The following PHTF2 variants were observed in gnomAD, a reference collection of about 807,000 sequenced individuals.
PHTF2 encodes the protein protein PHTF2.
A neutral mutation model predicts 101.2 loss-of-function variants in PHTF2; 60 were observed. That is an observed-to-expected ratio of 0.59 (90% CI 0.48 to 0.73). The LOEUF (loss-of-function observed/expected upper bound fraction) is 0.73. Among genes scored for constraint, PHTF2 ranks in the 30% least tolerant of loss-of-function variants. PHTF2 has a pLI of 0.00. For missense variants in PHTF2, 747 were observed against 908.7 expected (o/e 0.82, Z 2.29); for synonymous variants, 311 against 307.3 (o/e 1.01, Z -0.13).
At chr7:77,921,099 C>A (rs928811344) in intron 10 of PHTF2, among the ~76,000 whole-genome samples, 3 of 152,210 alleles carry the variant, frequency 2.0e-5, no homozygotes, top group Admixed American at 1.3e-4. Flanking sequence ...GCGAATAATT[C>A]AGGAAGCTGA....
chr7:77,803,325 A>G (rs1430225997), intron 1 of PHTF2, among the ~76,000 whole-genome samples: 2 of 152,202 alleles, frequency 1.3e-5, no homozygotes, highest in Non-Finnish European at 2.9e-5. Flanking sequence ...AAGTATATCT[A>G]CAGAAATTTT....
chr7:77,815,769 C>G (rs187419818), intron 1 of PHTF2, among the ~76,000 whole-genome samples: 1 of 152,300 alleles, frequency 6.6e-6, no homozygotes, highest in African/African-American at 2.4e-5. Context: ...ACTTTATTCC[C>G]GTTTCCAGGG....
chr7:77,949,491 G>GT (rs1296797215), intron 16 of PHTF2, among the ~76,000 whole-genome samples, 187 bp from the exon 16 acceptor site: 12 of 152,164 alleles, frequency 7.9e-5, no homozygotes, highest in Admixed American at 2.6e-4. Context: ...ACAAAACTGG[G>GT]TAGAGGCCCC....
chr7:77,816,951 CTT>C (rs1793897660), intron 1 of PHTF2, among the ~76,000 whole-genome samples: 1 of 152,170 alleles, frequency 6.6e-6, no homozygotes, highest in African/African-American at 2.4e-5. Flanking sequence ...ACCCCATTTT[CTT>C]TATCCATTCA....
At chr7:77,913,608 A>C (rs1266859237) in intron 9 of PHTF2, among the ~76,000 whole-genome samples, 1 of 152,104 alleles carries the variant, frequency 6.6e-6, no homozygotes, top group African/African-American at 2.4e-5. Context: ...CACCGTGACA[A>C]TATCACTGAA....
At chr7:77,874,594 T>C (rs1798782678) in intron 3 of PHTF2, among the ~76,000 whole-genome samples, 1 of 152,176 alleles carries the variant, frequency 6.6e-6, no homozygotes, top group Non-Finnish European at 1.5e-5. Context: ...AGTCTCTCTA[T>C]TCATATTTTT....
At chr7:77,884,853 C>T (rs549290985) in intron 3 of PHTF2, among the ~76,000 whole-genome samples, 49 of 152,232 alleles carry the variant, frequency 3.2e-4, no homozygotes, top group African/African-American at 8.4e-4. Context: ...GAGCCAAGAT[C>T]GTGCCACTGC....
At chr7:77,799,191 C>G (rs1261620941) in intron 1 of PHTF2, among the ~76,000 whole-genome samples, 2 of 152,146 alleles carry the variant, frequency 1.3e-5, no homozygotes, top group African/African-American at 4.8e-5. Flanking sequence ...ATCAGTCGGC[C>G]GGTGGCGGAG....
intron 7 of PHTF2, among the ~76,000 whole-genome samples, chr7:77,906,909 A>C (rs1170604288): frequency 6.7e-6 from 1 of 149,844 alleles, no homozygotes; most frequent in Non-Finnish European, 1.5e-5. Flanking sequence ...CTCCGTCTCA[A>C]GAAAAATTAA....
intron 3 of PHTF2, 121 bp from the exon 3 acceptor site, chr7:77,893,487 G>C: frequency 2.0e-6 from 1 of 494,058 alleles, no homozygotes; most frequent in South Asian, 4.6e-5. Flanking sequence ...TGAGAAGTCT[G>C]AGATAGGGCT....
chr7:77,954,174 C>T (rs1286937650), intron 19 of PHTF2, among the ~76,000 whole-genome samples: 1 of 151,968 alleles, frequency 6.6e-6, no homozygotes, highest in Non-Finnish European at 1.5e-5. Flanking sequence ...TGCTCTGTTG[C>T]CCAGGCTGGT....
intron 11 of PHTF2, among the ~76,000 whole-genome samples, chr7:77,927,004 A>G (rs560365590): frequency 1.3e-5 from 2 of 151,632 alleles, no homozygotes; most frequent in Admixed American, 1.3e-4. Flanking sequence ...CTGAAAATAT[A>G]AAAATTAGCC....
At position 77,908,774 on chromosome 7, in the gene PHTF2, T is replaced by A. The variant is rs182131021; in HGVS notation, c.446-19T>A. 245 of 1,494,802 alleles carry A rather than the reference T, an allele frequency of 1.6e-4. No homozygotes were observed. Among genetic ancestry groups the A allele is most frequent in the Non-Finnish European group, 2.1e-4 (231 of 1,101,934 alleles). The allele number at this position is 1,494,802 out of a possible 1,614,324, so 92.6% of individuals were successfully genotyped here. The stretch of plus-strand genomic sequence containing the variant: ...CTATCAGATCTATAATTAAGCATAT[T>A]TTCTTTCCCTTTTTATAGTTGCTGC... On this transcript the variant is annotated intron_variant, in intron 7 of 19. Transcript: ENST00000416283.
At chr7:77,872,203 C>G (rs1218932714) in intron 3 of PHTF2, among the ~76,000 whole-genome samples, 2 of 152,122 alleles carry the variant, frequency 1.3e-5, no homozygotes, top group African/African-American at 4.8e-5. Context: ...CCACTTTGTT[C>G]ATGGGCCCAT....
intron 1 of PHTF2, among the ~76,000 whole-genome samples, chr7:77,826,283 A>G (rs575773909): frequency 6.6e-6 from 1 of 152,352 alleles, no homozygotes; most frequent in South Asian, 2.1e-4. Flanking sequence ...GACAATGGAA[A>G]AATGTTTACA....
At chr7:77,924,178 A>G (rs899423978) in intron 11 of PHTF2, 2 of 931,152 alleles carry the variant, frequency 2.1e-6, no homozygotes, top group Non-Finnish European at 2.6e-6. Flanking sequence ...TAAAATGGAA[A>G]CAGAAGATTT....
chr7:77,946,394 C>G (rs916791127), intron 16 of PHTF2, among the ~76,000 whole-genome samples: 9 of 151,952 alleles, frequency 5.9e-5, no homozygotes, highest in Non-Finnish European at 5.9e-5. Flanking sequence ...TCTGCTTTAC[C>G]ACTTCTAGTC....
chr7:77,908,807 T>G lies in PHTF2; in HGVS notation c.460T>G (p.Leu154Val), dbSNP rs1437956156. The G allele has an allele frequency of 3.7e-6, 6 of 1,601,804 alleles. No individual in the cohort carries two copies. In the Admixed American group the frequency reaches 8.6e-5, roughly 23 times the overall value. ...CCTTTTTATAGTTGCTGCAATAGTA[T>G]TATTCTGCTCCACTTCTAGCCCACA... Residue 154 changes from leucine to valine, a missense_variant, in exon 8 of 20, where the codon TTA becomes GTA. Leu to Val is a conservative substitution (Grantham distance 32). Transcript: ENST00000416283.
intron 3 of PHTF2, among the ~76,000 whole-genome samples, chr7:77,886,973 G>C (rs1799910549): frequency 6.6e-6 from 1 of 151,846 alleles, no homozygotes; most frequent in African/African-American, 2.4e-5. Context: ...TTGAGCCTGG[G>C]AGATCAAGGT....
Sources: allele counts gnomAD v4.1 joint callset (sites outside exome capture counted in the v4.1 genomes callset), GRCh38; gene constraint gnomAD v4.1.1; transcripts MANE v1.5; gene names NCBI Gene and HGNC (gene_info 2026-07-23, HGNC 2026-07-21).